PHKB: variants seen among roughly 807,000 people sequenced by gnomAD.
PHKB encodes phosphorylase kinase regulatory subunit beta, also known as phosphorylase b kinase regulatory subunit beta.
In PHKB, 122 loss-of-function variants were observed where a neutral mutation model predicts 152.1. That is an observed-to-expected ratio of 0.80 (90% CI 0.69 to 0.93). PHKB has a LOEUF of 0.93. Among genes scored for constraint, PHKB ranks in the 40% least tolerant of loss-of-function variants. The pLI is 0.00. For missense variants in PHKB, 1,304 were observed against 1,328.4 expected (o/e 0.98, Z 0.29); for synonymous variants, 436 against 464.9 (o/e 0.94, Z 0.80).
At chr16:47,646,704 G>A (rs1046944979) in intron 16 of PHKB, among the ~76,000 whole-genome samples, 3 of 151,820 alleles carry the variant, frequency 2.0e-5, no homozygotes, top group African/African-American at 7.3e-5. Context: ...CAAGAAGGTG[G>A]CAAGGCCTGT....
At chr16:47,639,815 C>T (rs138624236) in intron 14 of PHKB, among the ~76,000 whole-genome samples, 269 of 152,224 alleles carry the variant, frequency 1.8e-3, no homozygotes, top group Non-Finnish European at 3.2e-3. Context: ...TAAGGTTACT[C>T]ATCCTTTTAA....
intron 26 of PHKB, among the ~76,000 whole-genome samples, chr16:47,673,844 A>G (rs1973679028): frequency 6.6e-6 from 1 of 152,198 alleles, no homozygotes; most frequent in East Asian, 1.9e-4. Flanking sequence ...ACTTTGAAGT[A>G]GGCACTAGAA....
At chr16:47,697,391 G>A (rs372486331) in intron 29 of PHKB, among the ~76,000 whole-genome samples, 11 of 152,296 alleles carry the variant, frequency 7.2e-5, no homozygotes, top group East Asian at 1.9e-4. Context: ...GTGAAAAGAC[G>A]GGGTTATTAG....
intron 1 of PHKB, chr16:47,462,966 CT>C (rs1415216081): frequency 6.6e-6 from 1 of 152,496 alleles, no homozygotes; most frequent in African/African-American, 2.4e-5. Context: ...TTGTTTCACA[CT>C]TTTTCTTAAA....
chr16:47,661,802 T>C lies in PHKB; in HGVS notation c.2278+2T>C. On this transcript the variant is annotated splice_donor_variant, in intron 23 of 30. Coordinates refer to ENST00000323584, the MANE Select transcript of PHKB (RefSeq NM_000293.3). LOFTEE classifies it high-confidence loss of function. The stretch of plus-strand genomic sequence containing the variant: ...GCCCCAACTTCATCACAAAGGAAGG[T>C]AAGCATGCATGTCTAGGAGAACATT... 9 of 1,596,674 alleles carry C rather than the reference T, an allele frequency of 5.6e-6. No individual in the cohort carries two copies. The highest frequency in any genetic ancestry group is 6.9e-6 in the Non-Finnish European group (8 of 1,164,060).
intron 7 of PHKB, among the ~76,000 whole-genome samples, chr16:47,558,027 A>G (rs1474132188): frequency 6.6e-6 from 1 of 151,408 alleles, no homozygotes; most frequent in African/African-American, 2.4e-5. Flanking sequence ...AATGTGGCAC[A>G]TATACACCAT....
chr16:47,539,678 C>G (rs1421658278), intron 6 of PHKB, among the ~76,000 whole-genome samples: 1 of 151,808 alleles, frequency 6.6e-6, no homozygotes, highest in Non-Finnish European at 1.5e-5. Context: ...AGTCAGGGAC[C>G]CCGAACGGAG....
At chr16:47,639,612 C>T (rs1972981629) in intron 14 of PHKB, among the ~76,000 whole-genome samples, 1 of 152,124 alleles carries the variant, frequency 6.6e-6, no homozygotes, top group African/African-American at 2.4e-5. Context: ...GATCTGAGTA[C>T]TCTGTCATAC....
chr16:47,692,191 C>T (rs1444275344), intron 27 of PHKB, among the ~76,000 whole-genome samples: 2 of 152,184 alleles, frequency 1.3e-5, no homozygotes, highest in Admixed American at 1.3e-4. Flanking sequence ...CCAGCGCAAA[C>T]GTGTCTTTTT....
intron 1 of PHKB, among the ~76,000 whole-genome samples, chr16:47,465,025 T>G (rs2151625394): frequency 6.6e-6 from 1 of 152,296 alleles, no homozygotes; most frequent in African/African-American, 2.4e-5. Context: ...AGTCCTGTTC[T>G]GGCAAGATAG....
At chr16:47,549,636 A>G (rs1971236582) in intron 7 of PHKB, among the ~76,000 whole-genome samples, 1 of 152,134 alleles carries the variant, frequency 6.6e-6, no homozygotes, top group African/African-American at 2.4e-5. Flanking sequence ...TGGAGGTTGC[A>G]GTGAGCCGAG....
At chr16:47,500,344 C>A (rs904719930) in intron 3 of PHKB, among the ~76,000 whole-genome samples, 1 of 152,106 alleles carries the variant, frequency 6.6e-6, no homozygotes, top group African/African-American at 2.4e-5. Context: ...TAAACCGTTT[C>A]ATTTTTCTAA....
chr16:47,698,964 A>G (rs1231239128), intron 30 of PHKB, among the ~76,000 whole-genome samples: 1 of 152,114 alleles, frequency 6.6e-6, no homozygotes, highest in Non-Finnish European at 1.5e-5. Context: ...AGGCCCTTCC[A>G]GGTTCTCTGT....
At position 47,666,028 on chromosome 16, in the gene PHKB, A is replaced by G. The variant is rs375085518; in HGVS notation, c.2427+1053A>G. The G allele has an allele frequency of 3.3e-5, 53 of 1,606,208 alleles. No individual in the cohort carries two copies. Among genetic ancestry groups the G allele is most frequent in the Non-Finnish European group, 4.4e-5 (52 of 1,172,976 alleles). On this transcript the variant is annotated intron_variant, in intron 25 of 30. Transcript: ENST00000323584. ...ATTACTAATGTTTTAGTGCAGGGCA[A>G]ACAGGTAAGTATTTGCTTTTCAGAC...
At chr16:47,632,453 T>C (rs1972844605) in intron 14 of PHKB, among the ~76,000 whole-genome samples, 1 of 152,208 alleles carries the variant, frequency 6.6e-6, no homozygotes, top group Admixed American at 6.5e-5. Flanking sequence ...TGATATACAA[T>C]TATTAACTAG....
chr16:47,667,202 C>CGGGA (rs1470800643), intron 25 of PHKB, among the ~76,000 whole-genome samples: 1 of 151,690 alleles, frequency 6.6e-6, no homozygotes, highest in Non-Finnish European at 1.5e-5. Context: ...GGGGCCAAGG[C>CGGGA]GGGAGGATCA....
chr16:47,639,392 G>A (rs1009744481), intron 14 of PHKB, among the ~76,000 whole-genome samples: 3 of 152,224 alleles, frequency 2.0e-5, no homozygotes, highest in Non-Finnish European at 2.9e-5. Flanking sequence ...TACGAGTGGG[G>A]CTGCCCGTGC....
At chr16:47,506,009 AC>A (rs1463971529) in intron 4 of PHKB, among the ~76,000 whole-genome samples, 1 of 150,242 alleles carries the variant, frequency 6.7e-6, no homozygotes, top group Non-Finnish European at 1.5e-5. Flanking sequence ...AGCATGGGCA[AC>A]AGAGGGGAAA....
chr16:47,574,274 C>A (rs547574762), intron 7 of PHKB, among the ~76,000 whole-genome samples: 10 of 152,244 alleles, frequency 6.6e-5, no homozygotes, highest in Admixed American at 1.3e-4. Context: ...TGAGACATTC[C>A]CCTGTGGCCT....
Sources: allele counts gnomAD v4.1 joint callset (sites outside exome capture counted in the v4.1 genomes callset), GRCh38; gene constraint gnomAD v4.1.1; transcripts MANE v1.5; gene names NCBI Gene and HGNC (gene_info 2026-07-23, HGNC 2026-07-21).